PCF11: variants seen among roughly 807,000 people sequenced by gnomAD.
PCF11 encodes the protein PCF11 cleavage and polyadenylation factor subunit.
A neutral mutation model predicts 166.1 loss-of-function variants in PCF11; 19 were observed. That is an observed-to-expected ratio of 0.11 (90% CI 0.08 to 0.17). The LOEUF (loss-of-function observed/expected upper bound fraction) is 0.17, where lower values mean the gene tolerates loss of function less well. Among genes scored for constraint, PCF11 ranks in the 10% least tolerant of loss-of-function variants. PCF11 has a pLI of 1.00. For missense variants in PCF11, 1,565 were observed against 1,855.5 expected, an observed-to-expected ratio of 0.84 and a Z score of 2.88; for synonymous variants, 663 against 644.1, an observed-to-expected ratio of 1.03 and a Z score of -0.44.
intron 9 of PCF11, among the ~76,000 whole-genome samples, chr11:83,173,195 G>A (rs1311542083): frequency 1.3e-5 from 2 of 152,120 alleles, no homozygotes; most frequent in Non-Finnish European, 2.9e-5. Context: ...GGTGGCTCAC[G>A]CCTATAATCC....
At chr11:83,170,513 A>T (rs1860650298) in intron 8 of PCF11, among the ~76,000 whole-genome samples, 1 of 151,764 alleles carries the variant, frequency 6.6e-6, no homozygotes, top group South Asian at 2.1e-4. Flanking sequence ...TCAGTTAAAC[A>T]CAATTGTTTG....
exon 8 of PCF11, chr11:83,169,544 C>G: frequency 6.2e-7 from 1 of 1,613,958 alleles, no homozygotes; most frequent in Non-Finnish European, 8.5e-7. Flanking sequence ...CCTGGTCAGC[C>G]AGGCCCTCAG....
At chr11:83,181,801 G>A in intron 12 of PCF11, 53 bp from the exon 13 acceptor site, 1 of 1,348,190 alleles carries the variant, frequency 7.4e-7, no homozygotes. Flanking sequence ...AAGATACACA[G>A]TAAAAATTTA....
intron 12 of PCF11, among the ~76,000 whole-genome samples, chr11:83,181,603 T>TA (rs56993580): frequency 0.092 from 13,452 of 146,712 alleles, 2,029 homozygotes; most frequent in African/African-American, 0.31. Context: ...CTGTTTTTTG[T>TA]AAAAAAAAAA....
At chr11:83,164,163 T>C in intron 3 of PCF11, 44 bp from the exon 4 acceptor site, 1 of 1,424,774 alleles carries the variant, frequency 7.0e-7, no homozygotes, top group Non-Finnish European at 9.7e-7. Flanking sequence ...TAGCTTCCGT[T>C]TTAGCTGATA....
chr11:83,182,974 A>C, intron 14 of PCF11, 64 bp from the exon 15 acceptor site: 1 of 946,958 alleles, frequency 1.1e-6, no homozygotes, highest in South Asian at 1.5e-5. Flanking sequence ...AGTTAAAAAG[A>C]AATATCAGAA....
At chr11:83,157,461 G>A in exon 1 of PCF11, 1 of 1,611,646 alleles carries the variant, frequency 6.2e-7, no homozygotes, top group South Asian at 1.1e-5. Flanking sequence ...GACGCCGGCC[G>A]AGGCCGGTGC....
chr11:83,163,787 C>G, exon 3 of PCF11: 1 of 1,593,494 alleles, frequency 6.3e-7, no homozygotes, highest in Non-Finnish European at 8.6e-7. Context: ...TTCATTAGAT[C>G]CTGCTTGGCC....
intron 9 of PCF11, among the ~76,000 whole-genome samples, chr11:83,173,221 A>C (rs7937622): frequency 0.47 from 70,708 of 151,934 alleles, 18,260 homozygotes; most frequent in African/African-American, 0.7. Flanking sequence ...CTCTGGGAGG[A>C]CGAGGCAGGT....
chr11:83,157,843 A>C lies in PCF11; in HGVS notation c.192+212A>C, dbSNP rs577770355. ...TGGGGAGGATAAAGGGTGGAGTCCC[A>C]CTTCCGCTTTCCAACTCCCTTTTTA... On this transcript the variant is annotated intron_variant, in intron 1 of 15. Coordinates refer to ENST00000298281, the Ensembl canonical transcript of PCF11. 1.1e-4 allele frequency: 64 copies of C among 579,064 alleles called. No homozygotes were observed. The South Asian group carries it at 1.3e-3, about 11-fold the overall frequency. The allele number at this position is 579,064 out of a possible 1,614,324, so 35.9% of individuals were successfully genotyped here. A position where few individuals can be genotyped will look rare whatever the true frequency, so the allele number is the denominator to read the frequency against.
At chr11:83,164,385 A>G in exon 4 of PCF11, 1 of 1,612,702 alleles carries the variant, frequency 6.2e-7, no homozygotes, top group Non-Finnish European at 8.5e-7. Context: ...GAGCTAGAGC[A>G]AGCTAAGGCA....
At chr11:83,169,767 T>C in exon 8 of PCF11, 1 of 1,613,958 alleles carries the variant, frequency 6.2e-7, no homozygotes, top group South Asian at 1.1e-5. Flanking sequence ...ATGCTTTTAA[T>C]GCCCCATCCC....
rs757680593 is a variant in PCF11, at chr11:83,168,847, A to G, written c.2512A>G (p.Ile838Val). 56 of 1,612,664 alleles carry G rather than the reference A, an allele frequency of 3.5e-5. No individual in the cohort carries two copies. The Admixed American group carries it at 6.2e-4, about 18-fold the overall frequency. Residue 838 changes from isoleucine (I) to valine (V), a missense_variant, in exon 8 of 16, where the codon ATT (isoleucine) becomes GTT (valine). Coordinates refer to ENST00000298281, the Ensembl canonical transcript of PCF11. ...GACACCTCTGCGGTTTGAGGGCCCA[A>G]TTGGTCAAGCAGGAGGAGGTGGTTT...
At position 83,184,727 on chromosome 11, in the gene PCF11, A is replaced by AACCCCTTGAATATTATGTTGAAC; in HGVS notation, c.4503_4525dup (p.Ile1509ThrfsTer3). 2 of 1,612,252 alleles carry AACCCCTTGAATATTATGTTGAAC rather than the reference A, an allele frequency of 1.2e-6. No homozygotes were observed. Among genetic ancestry groups the AACCCCTTGAATATTATGTTGAAC allele is most frequent in the Non-Finnish European group, 1.7e-6 (2 of 1,179,432 alleles). ...ATCTCCCAGCAAGACACCAGTTGAAAACCCCTTGAATATTATGTTGAACAT... is the reference window on the plus strand; with the variant it reads ...ATCTCCCAGCAAGACACCAGTTGAAAACCCCTTGAATATTATGTTGAACACCCCTTGAATATTATGTTGAACAT... On this transcript the variant is annotated frameshift_variant, in exon 16 of 16. Transcript: ENST00000298281. LOFTEE classifies it high-confidence loss of function.
chr11:83,184,814 ACAC>A, exon 16 of PCF11: 1 of 1,606,992 alleles, frequency 6.2e-7, no homozygotes, highest in Non-Finnish European at 8.5e-7. Flanking sequence ...ACGAATTGAT[ACAC>A]CACCAGCTTG....
At chr11:83,164,106 T>A (rs1228315615) in intron 3 of PCF11, 101 bp from the exon 4 acceptor site, 1 of 748,200 alleles carries the variant, frequency 1.3e-6, no homozygotes, top group African/African-American at 1.8e-5. Context: ...TTCTGTGTGA[T>A]AGGAATTTGG....
intron 4 of PCF11, among the ~76,000 whole-genome samples, 169 bp from the exon 5 acceptor site, chr11:83,165,431 T>G (rs1362611836): frequency 6.6e-6 from 1 of 152,162 alleles, no homozygotes; most frequent in East Asian, 1.9e-4. Context: ...AATCATGGAC[T>G]TTTTCTTTTC....
exon 8 of PCF11, chr11:83,169,406 T>C: frequency 6.2e-7 from 1 of 1,613,792 alleles, no homozygotes; most frequent in Non-Finnish European, 8.5e-7. Flanking sequence ...GAAGGGCCTC[T>C]GGGTCAAGGT....
rs992846834 is a variant in PCF11, at chr11:83,178,834, T to C, written c.3983+1015T>C. ...TCTCAAAAAAAAAAAAAAATCTATT[T>C]TTCATTTTATAAGTAATGTTAATTG... On this transcript the variant is annotated intron_variant, in intron 11 of 15. Coordinates refer to ENST00000298281, the Ensembl canonical transcript of PCF11. Among the ~76,000 whole-genome samples the C allele has an allele frequency of 7.2e-5, 11 of 152,222 alleles. No individual in the cohort carries two copies. In the East Asian group the frequency reaches 2.1e-3, roughly 29 times the overall value.
Sources: gnomAD v4.1 joint callset for allele counts (sites outside exome capture counted in the v4.1 genomes callset) on GRCh38, gnomAD v4.1.1 for gene constraint, MANE v1.5 for transcripts, NCBI Gene and HGNC (gene_info 2026-07-23, HGNC 2026-07-21) for gene names.